The following NAALADL1 variants were observed in gnomAD, a reference collection of about 807,000 sequenced individuals.
NAALADL1 encodes aminopeptidase NAALADL1.
In NAALADL1, 77 loss-of-function variants were observed where a neutral mutation model predicts 82.8. The ratio of observed to expected loss-of-function variants is 0.93; its 90% confidence interval spans 0.77 to 1.12. The LOEUF is 1.12. Ranked by LOEUF, NAALADL1 falls within the 50% of genes most tolerant of loss-of-function variation. The pLI is 0.00. For synonymous variants in NAALADL1, 358 were observed against 399.2 expected (o/e 0.90, Z 1.23); for missense variants, 956 against 964.0 (o/e 0.99, Z 0.11).
rs543803745 is a variant in NAALADL1, at chr11:65,053,695, G to A, written c.993-119C>T. The A allele has an allele frequency of 1.6e-5, 14 of 858,148 alleles. No homozygotes were observed. Among genetic ancestry groups the A allele is most frequent in the Middle Eastern group, 2.7e-4 (1 of 3,674 alleles). 53.2% of individuals were successfully genotyped at this position (858,148 alleles called of 1,614,324 possible). On this transcript the variant is annotated intron_variant, in intron 6 of 17. Transcript: ENST00000358658. The surrounding 1 kb of genome is among the most constrained non-coding windows in gnomAD (Gnocchi z 4.3). The stretch of plus-strand genomic sequence containing the variant: ...CGTGGCAAGGCCATTCATTGGCCCC[G>A]AAGTACCAAGAGAGGCAGCAAGGCT...
rs749495908 is a variant in NAALADL1 at position 65,054,227 on chromosome 11, G to T, written c.992+23C>A. 1.9e-6 allele frequency: 3 copies of T among 1,601,958 alleles called. No homozygotes were observed. In the South Asian group the frequency reaches 3.3e-5, roughly 18 times the overall value. ...GTTGGGGGAGAGGGCAACTGAGGGA[G>T]ACCTGGTCTGGCTGCATCTCACCTG... On this transcript the variant is annotated intron_variant, in intron 6 of 17. Transcript: ENST00000358658. This position sits in a 1 kb window ranked among gnomAD's most constrained non-coding sequence, Gnocchi z 4.3.
rs1280974763 is a variant in NAALADL1, at chr11:65,048,194, C to G, written c.1306G>C (p.Glu436Gln). The change falls in exon 10 of 18, where the codon GAG becomes CAG. Residue 436 changes from glutamate to glutamine, a missense_variant. Transcript: ENST00000358658. ...FTEEFFNKLQ[E>Q]RTVAYINVDI... is the part of the protein sequence containing the mutation. ...ACGTTGATGTAGGCCACCGTGCGCT[C>G]CTGCAGCTTGTTGAAGAACTCCTGC... 3 of 1,614,056 alleles carry G rather than the reference C, an allele frequency of 1.9e-6. No individual in the cohort carries two copies. In the Admixed American group the frequency reaches 5.0e-5, roughly 27 times the overall value.
intron 3 of NAALADL1, 103 bp downstream of exon 3, chr11:65,057,772 C>T (rs1011767947): frequency 3.6e-5 from 55 of 1,536,180 alleles, no homozygotes; most frequent in South Asian, 8.2e-5. Context: ...CCGGAGGGCG[C>T]GCTGTGCCCC....
At position 65,058,511 on chromosome 11, in the gene NAALADL1, G is replaced by A. The variant is rs765273619; in HGVS notation, c.11C>T (p.Thr4Met). The change falls in exon 1 of 18, where the codon ACG (threonine) becomes ATG (methionine). Residue 4 changes from threonine (T) to methionine (M), a missense_variant. Coordinates refer to ENST00000358658, the MANE Select transcript of NAALADL1 (RefSeq NM_005468.3). MQW[T>M]KVLGLGLGAA... ...CCCCAGCCCCAGCCCCAACACCTTC[G>A]TCCACTGCATCCTGCGGACTCTTGG... 1.6e-5 allele frequency: 26 copies of A among 1,598,902 alleles called. 1 individual carries two copies. The highest frequency in any genetic ancestry group is 3.3e-4 in the Middle Eastern group (2 of 6,004).
intron 3 of NAALADL1, 60 bp from the exon 4 acceptor site, chr11:65,057,553 G>T (rs922419747): frequency 2.6e-6 from 4 of 1,564,114 alleles, no homozygotes; most frequent in African/African-American, 2.7e-5. Context: ...GTGGGGAAGG[G>T]GGGTGGAAGT....
At chr11:65,057,334 T>A (rs1180392014) in intron 4 of NAALADL1, 37 bp downstream of exon 4, 3 of 1,571,556 alleles carry the variant, frequency 1.9e-6, no homozygotes, top group Non-Finnish European at 2.6e-6. Context: ...AGCCCCTTCC[T>A]CACCGAGGCC....
chr11:65,054,595 G>A lies in NAALADL1; in HGVS notation c.747C>T (p.Tyr249=), dbSNP rs1946985328. 6.2e-7 allele frequency: 1 copy of A among 1,613,886 alleles called. No homozygotes were observed. The highest frequency in any genetic ancestry group is 2.2e-5 in the East Asian group (1 of 44,872). Residue 249 remains tyrosine, a synonymous_variant, in exon 5 of 18, where the codon TAC becomes TAT. Coordinates refer to ENST00000358658, the MANE Select transcript of NAALADL1 (RefSeq NM_005468.3). This position sits in a 1 kb window ranked among gnomAD's most constrained non-coding sequence, Gnocchi z 4.3. The stretch of plus-strand genomic sequence containing the variant: ...TCAGAGGGTCCCCAAAATACTCGTA[G>A]TAGGAGCCTCGCTCCACTCCTGAGG... ...LPPSGVERGS[Y]YEYFGDPLTP...
Position 65,057,769 on chromosome 11 carries a change from G to A in NAALADL1, c.480+106C>T, listed in dbSNP as rs1947082110. 21 of 1,522,224 alleles carry A rather than the reference G, an allele frequency of 1.4e-5. No individual in the cohort carries two copies. The South Asian group carries it at 2.5e-4, about 18-fold the overall frequency. The allele number at this position is 1,522,224 out of a possible 1,614,324, so 94.3% of individuals were successfully genotyped here. ...TGTCCCGGTGAGTAAATTCCGGAGG[G>A]CGCGCTGTGCCCCAGTTGAGGCACG... On this transcript the variant is annotated intron_variant, in intron 3 of 17. Transcript: ENST00000358658.
At chr11:65,051,948 T>C (rs565193389) in intron 8 of NAALADL1, among the ~76,000 whole-genome samples, 76 of 152,248 alleles carry the variant, frequency 5.0e-4, no homozygotes, top group African/African-American at 1.8e-3. Flanking sequence ...GGAAACTCAA[T>C]GCCTGTGGAT....
At chr11:65,057,243 GC>G in intron 4 of NAALADL1, 127 bp downstream of exon 4, 1 of 1,397,992 alleles carries the variant, frequency 7.2e-7, no homozygotes, top group Non-Finnish European at 9.5e-7. Flanking sequence ...TGCCTTTCCT[GC>G]CCCACCCTGG....
chr11:65,047,328 T>G, intron 13 of NAALADL1, 147 bp downstream of exon 13: 1 of 673,674 alleles, frequency 1.5e-6, no homozygotes, highest in Non-Finnish European at 2.5e-6. Context: ...TGTATTTCTG[T>G]GTGTGTGTGT....
chr11:65,056,712 CTTTT>C (rs60069296), intron 4 of NAALADL1, among the ~76,000 whole-genome samples: 1 of 133,260 alleles, frequency 7.5e-6, no homozygotes, highest in African/African-American at 2.8e-5. Context: ...CATGCCCAGC[CTTTT>C]TTTTTTTTTT....
Position 65,045,376 on chromosome 11 carries a change from T to C in NAALADL1, c.2118A>G (p.Thr706=), listed in dbSNP as rs1226772321. The change falls in exon 18 of 18, where the codon ACA becomes ACG. Residue 706 remains threonine (T), a synonymous_variant. Transcript: ENST00000358658. ...LSNACSRARD[T]ASGSEAWAEV... ...CAGCCCAAGCTTCAGATCCAGAAGC[T>C]GTGTCCCTGGCCCTGGAGCAGGCAT... 6.2e-7 allele frequency: 1 copy of C among 1,612,466 alleles called. No homozygotes were observed. The highest frequency in any genetic ancestry group is 1.3e-5 in the African/African-American group (1 of 74,918).
chr11:65,058,207 C>T lies in NAALADL1; in HGVS notation c.229G>A (p.Glu77Lys). The change falls in exon 2 of 18, where the codon GAG becomes AAG. Residue 77 changes from glutamate to lysine, a missense_variant. Coordinates refer to ENST00000358658, the MANE Select transcript of NAALADL1 (RefSeq NM_005468.3). ...TGCAGCAGCAGCTGCACCAGGTCCT[C>T]ATCCCGAGGGCTGGAGGCCAGGTGT... ...EPHLASSPRD[E>K]DLVQLLLQRW... The T allele has an allele frequency of 1.2e-6, 2 of 1,613,736 alleles. No individual in the cohort carries two copies. Among genetic ancestry groups the T allele is most frequent in the Non-Finnish European group, 1.7e-6 (2 of 1,179,820 alleles).
In NAALADL1 at chr11:65,045,883, A is replaced by G. The variant is rs149058797; in HGVS notation, c.1975T>C (p.Leu659=). The G allele has an allele frequency of 5.0e-6, 8 of 1,614,010 alleles. No homozygotes were observed. Among genetic ancestry groups the G allele is most frequent in the South Asian group, 4.4e-5 (4 of 91,082 alleles). ...PLQVRMLNDQ[L]MLLERTFLNP... The stretch of plus-strand genomic sequence containing the variant: ...AGAAAGGTCCGTTCCAAGAGCATCA[A>G]CTGGTCATTGAGCATCCGGACCTGC... Residue 659 remains leucine, a synonymous_variant, in exon 17 of 18, where the codon TTG becomes CTG. Coordinates refer to ENST00000358658, the MANE Select transcript of NAALADL1 (RefSeq NM_005468.3).
Position 65,058,310 on chromosome 11 carries a change from G to A in NAALADL1, c.185+27C>T, listed in dbSNP as rs780072619. The A allele has an allele frequency of 3.5e-5, 57 of 1,613,918 alleles. No individual in the cohort carries two copies. The Middle Eastern group carries it at 4.9e-4, about 14-fold the overall frequency. ...ATCAGGGAGGGGGCCTCTGGCAAACGGAGGAGCAGATGGCCCCACTTCTCA... is the reference window on the plus strand; with the variant it reads ...ATCAGGGAGGGGGCCTCTGGCAAACAGAGGAGCAGATGGCCCCACTTCTCA... On this transcript the variant is annotated intron_variant, in intron 1 of 17. Coordinates refer to ENST00000358658, the MANE Select transcript of NAALADL1 (RefSeq NM_005468.3).
At position 65,053,551 on chromosome 11, in the gene NAALADL1, G is replaced by A. The variant is rs146892159; in HGVS notation, c.1018C>T (p.Arg340Cys). 49 of 1,607,786 alleles carry A rather than the reference G, an allele frequency of 3.0e-5. No individual in the cohort carries two copies. The highest frequency in any genetic ancestry group is 2.0e-4 in the African/African-American group (15 of 74,876). Reference sequence around the variant, plus strand: ...TTGGAAGAGTTCCTCAGCTCCAGGCGGTTGTAGACGCTCACATTCACCTGG... The same window carrying A: ...TTGGAAGAGTTCCTCAGCTCCAGGCAGTTGTAGACGCTCACATTCACCTGG... ...DSQVNVSVYNRLELRNSSNVL... is the reference protein window; with the variant it reads ...DSQVNVSVYNCLELRNSSNVL... The change falls in exon 7 of 18, where the codon CGC (arginine) becomes TGC (cysteine). Residue 340 changes from arginine to cysteine, a missense_variant. By Grantham distance (180) the Arg-to-Cys change is radical. Transcript: ENST00000358658. This position sits in a 1 kb window ranked among gnomAD's most constrained non-coding sequence, Gnocchi z 4.3.
At chr11:65,049,739 C>T (rs1946835232) in intron 8 of NAALADL1, among the ~76,000 whole-genome samples, 1 of 152,034 alleles carries the variant, frequency 6.6e-6, no homozygotes, top group Non-Finnish European at 1.5e-5. Context: ...GGCTTGGTGG[C>T]GCACACACCT....
In NAALADL1 at chr11:65,054,297, G is replaced by T. The variant is rs1376954883; in HGVS notation, c.945C>A (p.Tyr315Ter). The T allele has an allele frequency of 6.2e-7, 1 of 1,614,170 alleles. No individual in the cohort carries two copies. Among genetic ancestry groups the T allele is most frequent in the East Asian group, 2.2e-5 (1 of 44,872 alleles). The change falls in exon 6 of 18, where the codon TAC (tyrosine) becomes TAA (stop). Residue 315 changes from tyrosine (Y) to a stop codon, truncating the protein, a stop_gained. Coordinates refer to ENST00000358658, the MANE Select transcript of NAALADL1 (RefSeq NM_005468.3). LOFTEE classifies it high-confidence loss of function. This position sits in a 1 kb window ranked among gnomAD's most constrained non-coding sequence, Gnocchi z 4.3. ...CAGGCCGGAAGCCGGGACCCAACCT[G>T]TAGTGGCAGCCCAGTGCTCCCTGCC... ...ATWQGALGCH[Y>*]RLGPGFRPDG...
Sources: gnomAD v4.1 joint callset for allele counts (sites outside exome capture counted in the v4.1 genomes callset) on GRCh38, gnomAD v4.1.1 for gene constraint, Gnocchi (gnomAD v3.1) non-coding constraint, MANE v1.5 for transcripts, NCBI Gene and HGNC (gene_info 2026-07-23, HGNC 2026-07-21) for gene names.